NLRP8: variants seen among roughly 807,000 people sequenced by gnomAD.
The protein encoded by NLRP8 is NLR family pyrin domain containing 8.
A neutral mutation model predicts 88.7 loss-of-function variants in NLRP8; 86 were observed. The observed-to-expected ratio is 0.97, with a 90% CI of 0.81 to 1.16. The LOEUF (loss-of-function observed/expected upper bound fraction) is 1.16. Ranked by LOEUF, NLRP8 falls within the 50% of genes most tolerant of loss-of-function variation. The probability of loss-of-function intolerance (pLI) is 0.00; values close to 1 mark genes in which losing one functional copy is unlikely to be tolerated. For missense variants in NLRP8, 1,342 were observed against 1,286.5 expected (o/e 1.04, Z -0.66); for synonymous variants, 504 against 494.6 (o/e 1.02, Z -0.25).
chr19:55,987,593 G>T (rs2123240192), intron 9 of NLRP8, among the ~76,000 whole-genome samples: 1 of 152,308 alleles, frequency 6.6e-6, no homozygotes, highest in South Asian at 2.1e-4. Flanking sequence ...TAAATGGCTT[G>T]CCTGGGGTAG....
rs760671851 is a variant in NLRP8 at position 55,987,840 on chromosome 19, C to G, written c.3074C>G (p.Thr1025Ser). Residue 1025 changes from threonine to serine, a missense_variant, in exon 10 of 10, where the codon ACT becomes AGT. Thr to Ser is a moderately conservative substitution (Grantham distance 58). Transcript: ENST00000291971. ...TGTATTCCTGCCTGGACTCGAATAA[C>G]TAGCTTCTCCCCAACTCCTCACCCA... is the stretch of plus-strand genomic sequence containing the variant. The G allele has an allele frequency of 1.9e-6, 3 of 1,614,022 alleles. No homozygotes were observed. Among genetic ancestry groups the G allele is most frequent in the Non-Finnish European group, 1.7e-6 (2 of 1,179,942 alleles).
intron 5 of NLRP8, among the ~76,000 whole-genome samples, chr19:55,968,244 GC>G (rs1979928278): frequency 6.6e-6 from 1 of 152,120 alleles, no homozygotes; most frequent in Non-Finnish European, 1.5e-5. Flanking sequence ...TTCGAGACCA[GC>G]CTGGCCAACA....
chr19:55,976,957 C>G (rs306478), intron 8 of NLRP8, among the ~76,000 whole-genome samples: 104,535 of 148,324 alleles, frequency 0.7, 37,375 homozygotes, highest in African/African-American at 0.83. Context: ...GTGGGCGCCT[C>G]TAGTCCCAGC....
intron 6 of NLRP8, 41 bp downstream of exon 6, chr19:55,970,737 G>T (rs764884578): frequency 6.2e-7 from 1 of 1,610,234 alleles, no homozygotes; most frequent in Non-Finnish European, 8.5e-7. Flanking sequence ...GGTTGTGGTT[G>T]TGGTGGTTGT....
chr19:55,952,500 A>C (rs1979138000), intron 1 of NLRP8, 38 bp from the exon 2 acceptor site: 3 of 1,558,368 alleles, frequency 1.9e-6, no homozygotes, highest in Non-Finnish European at 2.7e-6. Flanking sequence ...CCAAGATCTT[A>C]TCATTCCCGT....
chr19:55,972,793 GTGTGTGTGTGTGTGTA>G (rs1017533166), intron 6 of NLRP8, among the ~76,000 whole-genome samples: 14 of 72,098 alleles, frequency 1.9e-4, no homozygotes, highest in African/African-American at 2.0e-4. Flanking sequence ...ATTCCATGGT[GTGTGTGTGTGTGTGTA>G]TGTGTGTGTG....
intron 1 of NLRP8, among the ~76,000 whole-genome samples, chr19:55,948,494 G>A (rs1481331727): frequency 6.6e-6 from 1 of 152,126 alleles, no homozygotes; most frequent in Non-Finnish European, 1.5e-5. Flanking sequence ...GAAGTGCAAT[G>A]GCACAATCTC....
At position 55,948,274 on chromosome 19, in the gene NLRP8, G is replaced by A. The variant is rs1023740271; in HGVS notation, c.367+5G>A. The A allele has an allele frequency of 9.4e-6, 15 of 1,603,134 alleles. No homozygotes were observed. Among genetic ancestry groups the A allele is most frequent in the African/African-American group, 1.3e-5 (1 of 74,880 alleles). ...TAGTCCGCAGAGAGATAAATGGTGA[G>A]TGTTGATCTGGTGGATAAAGTGGGG... is the stretch of plus-strand genomic sequence containing the variant. On this transcript the variant is annotated splice_donor_5th_base_variant and intron_variant, in intron 1 of 9. Transcript: ENST00000291971.
rs1324122734 is a variant in NLRP8 at position 55,970,558 on chromosome 19, T to C, written c.2396T>C (p.Leu799Ser). The C allele has an allele frequency of 2.5e-6, 4 of 1,614,098 alleles. No individual in the cohort carries two copies. The highest frequency in any genetic ancestry group is 2.2e-5 in the East Asian group (1 of 44,870). ...GGCTTCTACAGGTTGGAAGACTGCT[T>C]GGCCACCCCTAGAATTTGGACTGAT... The change falls in exon 6 of 10, where the codon TTG (leucine) becomes TCG (serine). Residue 799 changes from leucine to serine, a missense_variant. Coordinates refer to ENST00000291971, the MANE Select transcript of NLRP8 (RefSeq NM_176811.2).
Position 55,987,897 on chromosome 19 carries a change from C to T in NLRP8, c.3131C>T (p.Ser1044Phe). The change falls in exon 10 of 10, where the codon TCC becomes TTC. Residue 1044 changes from serine (S) to phenylalanine (F), a missense_variant. Physicochemically the swap from Ser to Phe is radical, Grantham distance 155. Coordinates refer to ENST00000291971, the MANE Select transcript of NLRP8 (RefSeq NM_176811.2). ...TTCACGGGAAAAAGTGACTGCCTAT[C>T]CCAGATTAATCCTTAGGCCGTCCAG... 6.2e-7 allele frequency: 1 copy of T among 1,613,286 alleles called. No individual in the cohort carries two copies. Among genetic ancestry groups the T allele is most frequent in the Non-Finnish European group, 8.5e-7 (1 of 1,179,276 alleles).
chr19:55,983,623 G>C (rs577116768), intron 9 of NLRP8, among the ~76,000 whole-genome samples: 3 of 151,984 alleles, frequency 2.0e-5, no homozygotes, highest in East Asian at 3.9e-4. Flanking sequence ...AGTAAGAGTA[G>C]TGGGAAAACA....
chr19:55,954,451 C>G (rs1463927785), intron 2 of NLRP8, 50 bp from the exon 3 acceptor site: 5 of 1,555,614 alleles, frequency 3.2e-6, no homozygotes, highest in Non-Finnish European at 4.4e-6. Context: ...TTAGTTCTTG[C>G]AATTCACTCT....
In NLRP8 at chr19:55,970,562, C is replaced by T. The variant is rs1980029550; in HGVS notation, c.2400C>T (p.Ala800=). 1 of 1,614,010 alleles carries T rather than the reference C, an allele frequency of 6.2e-7. No individual in the cohort carries two copies. The highest frequency in any genetic ancestry group is 2.2e-5 in the East Asian group (1 of 44,878). ...TCTACAGGTTGGAAGACTGCTTGGC[C>T]ACCCCTAGAATTTGGACTGATCTTG... Residue 800 remains alanine, a synonymous_variant, in exon 6 of 10, where the codon GCC becomes GCT. Transcript: ENST00000291971.
intron 9 of NLRP8, among the ~76,000 whole-genome samples, chr19:55,985,711 A>C (rs306463): frequency 0.62 from 95,007 of 152,044 alleles, 29,728 homozygotes; most frequent in African/African-American, 0.65. Context: ...TAAATTCTTC[A>C]AATGGAATTT....
intron 5 of NLRP8, among the ~76,000 whole-genome samples, chr19:55,967,416 T>C (rs1240247937): frequency 6.6e-6 from 1 of 152,234 alleles, no homozygotes; most frequent in African/African-American, 2.4e-5. Flanking sequence ...TGTTTTGGTT[T>C]TTAGATCCCA....
At position 55,955,789 on chromosome 19, in the gene NLRP8, C is replaced by T. The variant is rs1979327162; in HGVS notation, c.1731C>T (p.Cys577=). Residue 577 remains cysteine (C), a synonymous_variant, in exon 3 of 10, where the codon TGC becomes TGT. Transcript: ENST00000291971. ...CGGCCGTGGAACAGTCATTCCAATG[C>T]AAGGTGTCTTTCGGTAATAAGAGGA... The T allele has an allele frequency of 1.9e-6, 3 of 1,614,172 alleles. No individual in the cohort carries two copies. The highest frequency in any genetic ancestry group is 1.6e-4 in the Middle Eastern group (1 of 6,062).
intron 9 of NLRP8, chr19:55,987,763 T>G (rs767465840): frequency 2.2e-6 from 3 of 1,351,852 alleles, no homozygotes; most frequent in Admixed American, 3.4e-5. Flanking sequence ...GGGAAGTCAC[T>G]CATCCTCAGA....
At position 55,970,814 on chromosome 19, in the gene NLRP8, A is replaced by G; in HGVS notation, c.2534+118A>G. 3.1e-6 allele frequency: 4 copies of G among 1,303,252 alleles called. No individual in the cohort carries two copies. The South Asian group carries it at 4.3e-5, about 14-fold the overall frequency. The allele number at this position is 1,303,252 out of a possible 1,614,324, so 80.7% of individuals were successfully genotyped here. A position where few individuals can be genotyped will look rare whatever the true frequency, so the allele number is the denominator to read the frequency against. On this transcript the variant is annotated intron_variant, in intron 6 of 9. Coordinates refer to ENST00000291971, the MANE Select transcript of NLRP8 (RefSeq NM_176811.2). Reference sequence around the variant, plus strand: ...AAGGTACATGTATAGGAGCAAACATAAGTCTTGTGATTGATGTAATTATAT... The same window carrying G: ...AAGGTACATGTATAGGAGCAAACATGAGTCTTGTGATTGATGTAATTATAT...
chr19:55,975,401 C>T (rs1980266040), intron 7 of NLRP8, among the ~76,000 whole-genome samples: 3 of 152,180 alleles, frequency 2.0e-5, no homozygotes, highest in Non-Finnish European at 4.4e-5. Context: ...CAGACTTAAT[C>T]CGTGAGCCAT....
Sources: allele counts gnomAD v4.1 joint callset (sites outside exome capture counted in the v4.1 genomes callset), GRCh38; gene constraint gnomAD v4.1.1; transcripts MANE v1.5; gene names NCBI Gene and HGNC (gene_info 2026-07-23, HGNC 2026-07-21).